The following ANAPC4 variants were observed in gnomAD, a reference collection of about 807,000 sequenced individuals.
The protein encoded by ANAPC4 is anaphase promoting complex subunit 4.
ANAPC4 carries 63 observed loss-of-function variants against 119.8 expected under a neutral mutation model. The observed-to-expected ratio is 0.53, with a 90% CI of 0.43 to 0.65. ANAPC4 has a LOEUF of 0.65. Among genes scored for constraint, ANAPC4 ranks in the 30% least tolerant of loss-of-function variants. ANAPC4 has a pLI of 0.00. For synonymous variants in ANAPC4, 283 were observed against 318.6 expected (o/e 0.89, Z 1.19); for missense variants, 716 against 945.1 (o/e 0.76, Z 3.18).
At chr4:25,383,226 C>A (rs1448939200) in intron 3 of ANAPC4, 35 bp from the exon 4 acceptor site, 13 of 1,530,088 alleles carry the variant, frequency 8.5e-6, no homozygotes, top group South Asian at 1.3e-5. Flanking sequence ...TCAATTGTTA[C>A]ACTAATTTAT....
chr4:25,380,549 G>A, intron 3 of ANAPC4, 70 bp downstream of exon 3: 1 of 1,183,784 alleles, frequency 8.4e-7, no homozygotes, highest in Non-Finnish European at 1.2e-6. Flanking sequence ...CCCATTTTCA[G>A]AAAGGATTTA....
At chr4:25,387,879 ATAATCC>A (rs1722126698) in intron 4 of ANAPC4, among the ~76,000 whole-genome samples, 1 of 151,942 alleles carries the variant, frequency 6.6e-6, no homozygotes, top group South Asian at 2.1e-4. Flanking sequence ...GTTCATGCCT[ATAATCC>A]TAGCACTTTG....
chr4:25,410,903 C>G (rs1251769423), intron 21 of ANAPC4, among the ~76,000 whole-genome samples: 1 of 152,016 alleles, frequency 6.6e-6, no homozygotes, highest in Non-Finnish European at 1.5e-5. Context: ...ATTCCAAATT[C>G]CAAAAAAATC....
intron 9 of ANAPC4, among the ~76,000 whole-genome samples, chr4:25,392,031 ACTTC>A (rs1254876607): frequency 6.6e-6 from 1 of 152,172 alleles, no homozygotes; most frequent in Non-Finnish European, 1.5e-5. Context: ...AATTCCTTAT[ACTTC>A]CTTTAAGTTT....
chr4:25,408,822 CT>C (rs989720629), intron 20 of ANAPC4, among the ~76,000 whole-genome samples: 1 of 152,106 alleles, frequency 6.6e-6, no homozygotes, highest in Non-Finnish European at 1.5e-5. Flanking sequence ...AACATAAGTG[CT>C]TTTCCTCAAG....
chr4:25,381,536 G>A (rs999438879), intron 3 of ANAPC4, among the ~76,000 whole-genome samples: 1 of 152,098 alleles, frequency 6.6e-6, no homozygotes, highest in African/African-American at 2.4e-5. Context: ...GGTCTCGAAC[G>A]CCTGGCCTCA....
Position 25,406,850 on chromosome 4 carries a change from T to A in ANAPC4, c.1339T>A (p.Phe447Ile). ...ATAGATGACTCAGAAAGATATCACA[T>A]TTGTTGCTGAATTTCTTACTGAACA... is the stretch of plus-strand genomic sequence containing the variant. The part of the protein sequence containing the change: ...LNKMTQKDIT[F>I]VAEFLTEHFN... Residue 447 changes from phenylalanine to isoleucine, a missense_variant, in exon 19 of 29, where the codon TTT becomes ATT. Around this residue, in one of 3 missense-constraint regions of ANAPC4, gnomAD observed 504 missense variants for 615.8 expected, o/e 0.82. Transcript: ENST00000315368. 6.2e-7 allele frequency: 1 copy of A among 1,604,344 alleles called. No homozygotes were observed. Among genetic ancestry groups the A allele is most frequent in the Non-Finnish European group, 8.5e-7 (1 of 1,176,264 alleles).
At chr4:25,406,924 A>C (rs1276315425) in intron 19 of ANAPC4, 39 bp downstream of exon 19, 6 of 1,439,386 alleles carry the variant, frequency 4.2e-6, no homozygotes, top group Non-Finnish European at 5.7e-6. Flanking sequence ...TTTAAAAAAA[A>C]ATTACAGTAA....
intron 28 of ANAPC4, 154 bp from the exon 29 acceptor site, chr4:25,418,001 C>T (rs1042687164): frequency 3.4e-6 from 3 of 891,296 alleles, no homozygotes; most frequent in Non-Finnish European, 5.0e-6. Context: ...TCTTTTTATA[C>T]AAAATGAAGG....
intron 14 of ANAPC4, 26 bp from the exon 15 acceptor site, chr4:25,396,638 A>G: frequency 1.3e-6 from 2 of 1,503,886 alleles, no homozygotes; most frequent in Non-Finnish European, 1.8e-6. Flanking sequence ...TCATGATACT[A>G]ATTTATTTCT....
At chr4:25,394,260 T>C (rs1722513559) in intron 11 of ANAPC4, 50 bp from the exon 12 acceptor site, 1 of 1,438,176 alleles carries the variant, frequency 7.0e-7, no homozygotes, top group African/African-American at 1.5e-5. Context: ...TAAATATGCT[T>C]ATAATTTAAG....
intron 20 of ANAPC4, 130 bp downstream of exon 20, chr4:25,407,383 G>A: frequency 1.6e-6 from 1 of 613,616 alleles, no homozygotes; most frequent in Non-Finnish European, 2.6e-6. Flanking sequence ...AAGAGCAGCA[G>A]TTTTTAAACA....
intron 27 of ANAPC4, chr4:25,417,291 T>C (rs979457594): frequency 6.2e-6 from 1 of 160,574 alleles, no homozygotes; most frequent in Non-Finnish European, 1.4e-5. Flanking sequence ...CCTGACTAAT[T>C]TTATTTTTTT....
chr4:25,396,898 CAGTA>C lies in ANAPC4; in HGVS notation c.1214+4_1214+7del, dbSNP rs1251462674. 5.0e-6 allele frequency: 8 copies of C among 1,611,972 alleles called. No homozygotes were observed. The highest frequency in any genetic ancestry group is 6.8e-6 in the Non-Finnish European group (8 of 1,179,134). ...TATACTCAAGGCAAATGAACTTCTT[CAGTA>C]AGTATTGGGAGTACCTGGAATCACT... On this transcript the variant is annotated splice_donor_variant and splice_donor_region_variant and coding_sequence_variant and intron_variant, in exon 16 of 29. Coordinates refer to ENST00000315368, the MANE Select transcript of ANAPC4 (RefSeq NM_013367.3). LOFTEE classifies it high-confidence loss of function.
rs1379989257 is a variant in ANAPC4 at position 25,388,856 on chromosome 4, A to T, written c.489A>T (p.Glu163Asp). 1 of 1,603,840 alleles carries T rather than the reference A, an allele frequency of 6.2e-7. No homozygotes were observed. Residue 163 changes from glutamate to aspartate, a missense_variant, in exon 7 of 29, where the codon GAA becomes GAT. Glu to Asp is a conservative substitution (Grantham distance 45). Coordinates refer to ENST00000315368, the MANE Select transcript of ANAPC4 (RefSeq NM_013367.3). The stretch of plus-strand genomic sequence containing the variant: ...ATTTTAGTGAAGAAAATTCTGATGA[A>T]ATTATTAAGCTCTTGGGAGACGTCA... ...SKIFSEENSD[E>D]IIKLLGDVRL... is the part of the protein sequence containing the mutation.
chr4:25,377,679 C>G, intron 2 of ANAPC4, 123 bp downstream of exon 2: 2 of 1,398,030 alleles, frequency 1.4e-6, no homozygotes, highest in Non-Finnish European at 1.9e-6. Flanking sequence ...CTTCTGCAGA[C>G]ATGGCTGGCC....
intron 7 of ANAPC4, 55 bp from the exon 8 acceptor site, chr4:25,390,080 AT>A: frequency 2.5e-6 from 3 of 1,216,050 alleles, no homozygotes; most frequent in South Asian, 1.3e-5. Flanking sequence ...CGCTTTAACA[AT>A]GCAATCATCT....
Position 25,396,848 on chromosome 4 carries a change from A to G in ANAPC4, c.1163A>G (p.Glu388Gly), listed in dbSNP as rs1194790053. The G allele has an allele frequency of 1.2e-6, 2 of 1,612,410 alleles. No homozygotes were observed. Among genetic ancestry groups the G allele is most frequent in the African/African-American group, 1.3e-5 (1 of 74,738 alleles). ...PLGLDAAGIE[E>G]AITAVGSFIL... Reference sequence around the variant, plus strand: ...ACGTTTATTTATTTTTTCCCTTTAGAAGCTATAACTGCTGTGGGTTCTTTT... The same window carrying G: ...ACGTTTATTTATTTTTTCCCTTTAGGAGCTATAACTGCTGTGGGTTCTTTT... The change falls in exon 16 of 29, where the codon GAA becomes GGA. Residue 388 changes from glutamate to glycine, a missense_variant and splice_region_variant. This residue lies in a region of ANAPC4 where 504 missense variants were observed against 615.8 expected (regional missense o/e 0.82). Transcript: ENST00000315368.
rs894025904 is a variant in ANAPC4, at chr4:25,394,922, G to T, written c.1061+17G>T. On this transcript the variant is annotated intron_variant, in intron 14 of 28. Coordinates refer to ENST00000315368, the MANE Select transcript of ANAPC4 (RefSeq NM_013367.3). Reference sequence around the variant, plus strand: ...TTTACAGAGGTATGAAGGTGACGTAGAATTTTTTGGTATTGTATCCACACA... The same window carrying T: ...TTTACAGAGGTATGAAGGTGACGTATAATTTTTTGGTATTGTATCCACACA... 33 of 1,599,182 alleles carry T rather than the reference G, an allele frequency of 2.1e-5. No individual in the cohort carries two copies. The highest frequency in any genetic ancestry group is 2.7e-5 in the Non-Finnish European group (32 of 1,170,746).
Sources: allele counts gnomAD v4.1 joint callset (sites outside exome capture counted in the v4.1 genomes callset), GRCh38; gene constraint gnomAD v4.1.1; regional missense constraint gnomAD v4.1.1; transcripts MANE v1.5; gene names NCBI Gene and HGNC (gene_info 2026-07-23, HGNC 2026-07-21).